Variants in DSCAML1 observed in about 807,000 individuals in gnomAD.
The protein encoded by DSCAML1 is DS cell adhesion molecule like 1.
A neutral mutation model predicts 200.5 loss-of-function variants in DSCAML1; 38 were observed. The ratio of observed to expected loss-of-function variants is 0.19; its 90% CI spans 0.15 to 0.25. The LOEUF (loss-of-function observed/expected upper bound fraction) is 0.25. Ranked by LOEUF, DSCAML1 falls within the 10% of genes least tolerant of loss-of-function variation. The pLI is 1.00. For synonymous variants in DSCAML1, 1,215 were observed against 1,165.0 expected (o/e 1.04, Z -0.87); for missense variants, 2,223 against 2,858.8 (o/e 0.78, Z 5.07).
At chr11:117,559,781 A>G (rs1428507121) in intron 3 of DSCAML1, among the ~76,000 whole-genome samples, 1 of 152,028 alleles carries the variant, frequency 6.6e-6, no homozygotes, top group Non-Finnish European at 1.5e-5. Flanking sequence ...AGGAGGGGAG[A>G]ATGTCTACAG....
rs546520011 is a variant in DSCAML1 at position 117,441,281 on chromosome 11, A to G, written c.3863-1345T>C. On this transcript the variant is annotated intron_variant, in intron 21 of 32. Coordinates refer to ENST00000651296, the MANE Select transcript of DSCAML1 (RefSeq NM_020693.4). ...GACCGGATGGCTTCATCTCATACTG[A>G]GTCCACAGTGCAGCCACAGCTGTAG... 7.7e-4 allele frequency among the ~76,000 whole-genome samples: 117 copies of G among 152,302 alleles called. 1 individual carries two copies. Among genetic ancestry groups the G allele is most frequent in the African/African-American group, 2.7e-3 (113 of 41,552 alleles).
At chr11:117,706,708 T>G (rs1221445515) in intron 3 of DSCAML1, among the ~76,000 whole-genome samples, 1 of 152,228 alleles carries the variant, frequency 6.6e-6, no homozygotes, top group Non-Finnish European at 1.5e-5. Flanking sequence ...GCCATTGATA[T>G]CTTGTGCAAG....
chr11:117,440,755 A>C (rs1480669274), intron 21 of DSCAML1, among the ~76,000 whole-genome samples: 1 of 152,030 alleles, frequency 6.6e-6, no homozygotes, highest in Non-Finnish European at 1.5e-5. Context: ...CTGTCTCTCT[A>C]CTAGAAATAC....
At chr11:117,690,018 C>G (rs1205799087) in intron 3 of DSCAML1, among the ~76,000 whole-genome samples, 1 of 152,154 alleles carries the variant, frequency 6.6e-6, no homozygotes, top group African/African-American at 2.4e-5. Flanking sequence ...GTCCTCTCAT[C>G]AAGCCGCCAG....
chr11:117,717,286 C>A (rs983849487), intron 3 of DSCAML1, among the ~76,000 whole-genome samples: 2 of 152,154 alleles, frequency 1.3e-5, no homozygotes, highest in African/African-American at 4.8e-5. Flanking sequence ...GCCCTGCCCC[C>A]CTCAAGTATT....
intron 3 of DSCAML1, among the ~76,000 whole-genome samples, chr11:117,749,718 G>A (rs1474067143): frequency 6.6e-6 from 1 of 152,224 alleles, no homozygotes; most frequent in Non-Finnish European, 1.5e-5. Context: ...GAACCAGCAC[G>A]GTCGGGCTGA....
intron 4 of DSCAML1, among the ~76,000 whole-genome samples, chr11:117,531,023 T>C (rs942692925): frequency 1.3e-5 from 2 of 152,118 alleles, no homozygotes; most frequent in African/African-American, 4.8e-5. Context: ...TAGAATAGAA[T>C]AGAAAATTCC....
intron 14 of DSCAML1, among the ~76,000 whole-genome samples, chr11:117,479,606 C>A (rs895728646): frequency 6.6e-6 from 1 of 152,114 alleles, no homozygotes; most frequent in Non-Finnish European, 1.5e-5. Context: ...GGGGCGGCCG[C>A]ACAGCAGCCA....
At position 117,780,842 on chromosome 11, in the gene DSCAML1, A is replaced by T. The variant is rs377502416; in HGVS notation, c.47-32T>A. 7.2e-7 allele frequency: 1 copy of T among 1,398,166 alleles called. No individual in the cohort carries two copies. Among genetic ancestry groups the T allele is most frequent in the South Asian group, 1.6e-5 (1 of 61,902 alleles). The allele number at this position is 1,398,166 out of a possible 1,614,324, so 86.6% of individuals were successfully genotyped here. On this transcript the variant is annotated intron_variant, in intron 1 of 32. Transcript: ENST00000651296. This position sits in a 1 kb window ranked among gnomAD's most constrained non-coding sequence, Gnocchi z 4.8. ...GAGAGGCAAGGGGAGAGACTTGGTTAGCATGGGCTCTAACAATACCCATAT... is the reference window on the plus strand; with the variant it reads ...GAGAGGCAAGGGGAGAGACTTGGTTTGCATGGGCTCTAACAATACCCATAT...
chr11:117,772,247 G>A (rs2055052401), intron 3 of DSCAML1, among the ~76,000 whole-genome samples: 2 of 152,150 alleles, frequency 1.3e-5, no homozygotes, highest in Non-Finnish European at 2.9e-5. Flanking sequence ...TAGGGAGGCT[G>A]GTAGTTTACT....
chr11:117,777,753 C>T (rs1178368535), intron 2 of DSCAML1, among the ~76,000 whole-genome samples: 1 of 152,154 alleles, frequency 6.6e-6, no homozygotes, highest in Non-Finnish European at 1.5e-5. Context: ...CCTCAGCTGG[C>T]TTCTAGGGCA....
chr11:117,584,945 C>T (rs1443387138), intron 3 of DSCAML1, among the ~76,000 whole-genome samples: 1 of 152,192 alleles, frequency 6.6e-6, no homozygotes, highest in Non-Finnish European at 1.5e-5. Flanking sequence ...TGGCACAGGA[C>T]AAGTGTCCAA....
In DSCAML1 at chr11:117,504,982, C is replaced by T. The variant is rs1367745611; in HGVS notation, c.2124G>A (p.Val708=). 3.1e-6 allele frequency: 5 copies of T among 1,612,718 alleles called. No individual in the cohort carries two copies. Among genetic ancestry groups the T allele is most frequent in the Non-Finnish European group, 4.2e-6 (5 of 1,179,296 alleles). The change falls in exon 10 of 33, where the codon GTG becomes GTA. Residue 708 remains valine (V), a synonymous_variant. Transcript: ENST00000651296. The surrounding 1 kb of genome is among the most constrained non-coding windows in gnomAD (Gnocchi z 5.0). ...NQDGIYGKAG[V]LNCSVDGYPP... is the part of the protein sequence containing the mutation. ...GGTAGCCGTCCACCGAGCAGTTGAGCACACCAGCTTTGCCGTAGATGCCAT... is the reference window on the plus strand; with the variant it reads ...GGTAGCCGTCCACCGAGCAGTTGAGTACACCAGCTTTGCCGTAGATGCCAT...
Position 117,516,433 on chromosome 11 carries a change from C to T in DSCAML1, c.1783+34G>A, listed in dbSNP as rs772035649. 1.7e-5 allele frequency: 27 copies of T among 1,593,728 alleles called. No individual in the cohort carries two copies. The highest frequency in any genetic ancestry group is 6.8e-5 in the South Asian group (6 of 87,896). ...GGCCCACGCATCCTGGGTGGTCAGG[C>T]GGGCAGGGGCCCTGGCTGGTGAGGG... On this transcript the variant is annotated intron_variant, in intron 8 of 32. Coordinates refer to ENST00000651296, the MANE Select transcript of DSCAML1 (RefSeq NM_020693.4). This position sits in a 1 kb window ranked among gnomAD's most constrained non-coding sequence, Gnocchi z 5.7.
chr11:117,736,253 A>T (rs1161479390), intron 3 of DSCAML1, among the ~76,000 whole-genome samples: 1 of 152,190 alleles, frequency 6.6e-6, no homozygotes, highest in Non-Finnish European at 1.5e-5. Context: ...ATTTGCGTCC[A>T]GCTTACTCAG....
chr11:117,631,383 A>G (rs2137572490), intron 3 of DSCAML1, among the ~76,000 whole-genome samples: 1 of 152,290 alleles, frequency 6.6e-6, no homozygotes, highest in East Asian at 1.9e-4. Flanking sequence ...GGCTACATCC[A>G]CTATTCCCCA....
Position 117,637,471 on chromosome 11 carries a change from G to A in DSCAML1, c.512-104949C>T, listed in dbSNP as rs531506223. On this transcript the variant is annotated intron_variant, in intron 3 of 32. Transcript: ENST00000651296. ...AGTGATTCTCCTGCCTCAGCCTCCC[G>A]AGTAGCTGGGATTACAGGCACCCAC... Among the ~76,000 whole-genome samples, 7 of 151,206 alleles carry A rather than the reference G, an allele frequency of 4.6e-5. No homozygotes were observed. The East Asian group carries it at 9.8e-4, about 21-fold the overall frequency.
At chr11:117,534,233 C>G (rs192230999) in intron 3 of DSCAML1, among the ~76,000 whole-genome samples, 6 of 152,346 alleles carry the variant, frequency 3.9e-5, no homozygotes, top group Admixed American at 1.3e-4. Context: ...AGCACAAGTC[C>G]AAGATTCTCA....
At chr11:117,492,519 G>A (rs994953381) in intron 11 of DSCAML1, among the ~76,000 whole-genome samples, 5 of 152,142 alleles carry the variant, frequency 3.3e-5, no homozygotes, top group African/African-American at 1.2e-4. Flanking sequence ...GGCTCGGATC[G>A]CCTTTTGTTT....
Sources: gnomAD v4.1 joint callset for allele counts (sites outside exome capture counted in the v4.1 genomes callset) on GRCh38, gnomAD v4.1.1 for gene constraint, Gnocchi (gnomAD v3.1) non-coding constraint, MANE v1.5 for transcripts, NCBI Gene and HGNC (gene_info 2026-07-23, HGNC 2026-07-21) for gene names.